The following EFEMP2 variants were observed in gnomAD, a reference collection of about 807,000 sequenced individuals.
EFEMP2 encodes EGF-containing fibulin-like extracellular matrix protein 2.
EFEMP2 carries 21 observed loss-of-function variants against 55.3 expected under a neutral mutation model. The observed-to-expected ratio is 0.38, with a 90% CI of 0.27 to 0.55. The LOEUF (loss-of-function observed/expected upper bound fraction) is 0.55. Ranked by LOEUF, EFEMP2 falls within the 20% of genes least tolerant of loss-of-function variation. The probability of loss-of-function intolerance (pLI) is 0.77; values close to 1 mark genes in which losing one functional copy is unlikely to be tolerated. For synonymous variants in EFEMP2, 275 were observed against 242.3 expected (o/e 1.14, Z -1.25); for missense variants, 513 against 615.1 (o/e 0.83, Z 1.76).
At position 65,870,615 on chromosome 11, in the gene EFEMP2, G is replaced by A; in HGVS notation, c.411C>T (p.Ser137=). 5.6e-6 allele frequency: 9 copies of A among 1,614,100 alleles called. No individual in the cohort carries two copies. Among genetic ancestry groups the A allele is most frequent in the Non-Finnish European group, 7.6e-6 (9 of 1,180,002 alleles). Residue 137 remains serine, a synonymous_variant, in exon 5 of 11, where the codon AGC becomes AGT. Coordinates refer to ENST00000307998, the MANE Select transcript of EFEMP2 (RefSeq NM_016938.5). Reference sequence around the variant, plus strand: ...AGCCAGGCAAGTTATGGCAGTCCTGGCTGGGGCGACAGTCGTGCAGGGCCT... The same window carrying A: ...AGCCAGGCAAGTTATGGCAGTCCTGACTGGGGCGACAGTCGTGCAGGGCCT... ...CAQALHDCRP[S]QDCHNLPGSY... is the part of the protein sequence containing the mutation.
intron 10 of EFEMP2, 156 bp downstream of exon 10, chr11:65,867,705 T>G: frequency 2.6e-6 from 2 of 773,430 alleles, no homozygotes; most frequent in Non-Finnish European, 4.4e-6. Context: ...TAGAATTGCA[T>G]TTAGAGTACC....
chr11:65,871,690 C>T (rs529987720), intron 3 of EFEMP2: 2 of 598,798 alleles, frequency 3.3e-6, no homozygotes, highest in Admixed American at 2.9e-5. Flanking sequence ...TGTGATGAGA[C>T]AAAGAGCTGG....
chr11:65,869,207 T>A (rs1351969893), intron 7 of EFEMP2: 2 of 195,594 alleles, frequency 1.0e-5, no homozygotes, highest in African/African-American at 4.7e-5. Flanking sequence ...ATCCTGGCTG[T>A]ATGAGCTTGG....
intron 7 of EFEMP2, chr11:65,869,106 G>A: frequency 3.7e-6 from 1 of 267,410 alleles, no homozygotes; most frequent in Non-Finnish European, 7.3e-6. Context: ...AGGTAGCAGT[G>A]AGGCCTCATC....
intron 9 of EFEMP2, 76 bp from the exon 10 acceptor site, chr11:65,868,132 G>A (rs1859894668): frequency 2.5e-6 from 4 of 1,572,940 alleles, no homozygotes; most frequent in Non-Finnish European, 3.5e-6. Flanking sequence ...ACAAAGGGAG[G>A]GAATCCCAAA....
intron 10 of EFEMP2, chr11:65,867,617 CTG>C (rs775827928): frequency 9.4e-6 from 5 of 532,764 alleles, no homozygotes; most frequent in African/African-American, 2.1e-5. Context: ...GGTGAAGAAA[CTG>C]AGATCAATAT....
Position 65,870,118 on chromosome 11 carries a change from C to T in EFEMP2, c.607+3G>A. On this transcript the variant is annotated splice_donor_region_variant and intron_variant, in intron 6 of 10. Coordinates refer to ENST00000307998, the MANE Select transcript of EFEMP2 (RefSeq NM_016938.5). ...CCAGGAGCCTGGCCCAGCCCAGCCT[C>T]ACCAACACAGGAGCGGTTGTTAGGC... The T allele has an allele frequency of 1.2e-6, 2 of 1,613,792 alleles. No homozygotes were observed. The highest frequency in any genetic ancestry group is 8.5e-7 in the Non-Finnish European group (1 of 1,179,996).
rs1859935992 is a variant in EFEMP2, at chr11:65,869,975, A to G, written c.609T>C (p.Asp203=). 1.9e-6 allele frequency: 3 copies of G among 1,613,828 alleles called. No homozygotes were observed. Among genetic ancestry groups the G allele is most frequent in the South Asian group, 2.2e-5 (2 of 91,084 alleles). ...QLGPNNRSCV[D]VNECDMGAPC... ...GGGCCCCCATGTCACACTCGTTCAC[A>G]TCTGGGGGTGCCAGGAAAAACAGGA... The change falls in exon 7 of 11, where the codon GAT becomes GAC. Residue 203 remains aspartate (D), a splice_region_variant and synonymous_variant. Coordinates refer to ENST00000307998, the MANE Select transcript of EFEMP2 (RefSeq NM_016938.5).
At position 65,871,293 on chromosome 11, in the gene EFEMP2, G is replaced by A. The variant is rs928050535; in HGVS notation, c.231C>T (p.Gly77=). The change falls in exon 4 of 11, where the codon GGC becomes GGT. Residue 77 remains glycine (G), a synonymous_variant. Coordinates refer to ENST00000307998, the MANE Select transcript of EFEMP2 (RefSeq NM_016938.5). ...CAGCGGAGCGGGGCAGGCACAAGTA[G>A]CCCCCGTAGTGGTTGATGCACTTCA... ...GEMKCINHYG[G]YLCLPRSAAV... The A allele has an allele frequency of 5.0e-6, 8 of 1,614,064 alleles. No individual in the cohort carries two copies. The East Asian group carries it at 6.7e-5, about 13-fold the overall frequency.
intron 3 of EFEMP2, chr11:65,871,578 G>C (rs1196738236): frequency 6.5e-6 from 4 of 613,668 alleles, no homozygotes; most frequent in African/African-American, 5.5e-5. Flanking sequence ...CCTCATTCTC[G>C]GCCTGCAAGT....
intron 6 of EFEMP2, 42 bp from the exon 7 acceptor site, chr11:65,870,018 G>A: frequency 6.2e-7 from 1 of 1,613,346 alleles, no homozygotes; most frequent in South Asian, 1.1e-5. Context: ...AAGCGGAGGA[G>A]GAGCCCAGAG....
At chr11:65,867,468 G>C (rs1429251213) in intron 10 of EFEMP2, 3 of 429,104 alleles carry the variant, frequency 7.0e-6, no homozygotes, top group Non-Finnish European at 1.3e-5. Flanking sequence ...CTCCTGCTGA[G>C]ACCCATGCAT....
chr11:65,868,605 C>T lies in EFEMP2; in HGVS notation c.752G>A (p.Ser251Asn). 3 of 1,613,922 alleles carry T rather than the reference C, an allele frequency of 1.9e-6. No individual in the cohort carries two copies. The South Asian group carries it at 3.3e-5, about 18-fold the overall frequency. The change falls in exon 8 of 11, where the codon AGC becomes AAC. Residue 251 changes from serine (S) to asparagine (N), a missense_variant. Physicochemically the swap from Ser to Asn is conservative, Grantham distance 46 (BLOSUM62 1). Coordinates refer to ENST00000307998, the MANE Select transcript of EFEMP2 (RefSeq NM_016938.5). The stretch of plus-strand genomic sequence containing the variant: ...GATGCAGCGGTACTGACAGAGGTAG[C>T]TGGAGTAGCTACACTCATCAATATC... ...CSDIDECSYS[S>N]YLCQYRCINE...
chr11:65,866,620 GGA>G lies in EFEMP2; in HGVS notation c.*296_*297del. The G allele has an allele frequency of 1.4e-6, 1 of 703,094 alleles. No individual in the cohort carries two copies. The highest frequency in any genetic ancestry group is 2.6e-6 in the Non-Finnish European group (1 of 385,140). 43.6% of individuals were successfully genotyped at this position (703,094 alleles called of 1,614,324 possible). ...AGTCCAAATCTCTGGGCCGGGGCCT[GGA>G]GTCCGCCCTCCTCGTTACCTCCTCT... On this transcript the variant is annotated 3_prime_UTR_variant, in exon 11 of 11. Coordinates refer to ENST00000307998, the MANE Select transcript of EFEMP2 (RefSeq NM_016938.5).
intron 9 of EFEMP2, 103 bp from the exon 10 acceptor site, chr11:65,868,159 T>A: frequency 6.4e-7 from 1 of 1,559,116 alleles, no homozygotes; most frequent in South Asian, 1.2e-5. Flanking sequence ...CTTCTACCCC[T>A]GTGACTGGTT....
chr11:65,867,480 C>T (rs975738231), intron 10 of EFEMP2: 2 of 426,796 alleles, frequency 4.7e-6, no homozygotes, highest in East Asian at 5.0e-5. Flanking sequence ...CCCATGCATG[C>T]GGCTGCCAGT....
intron 10 of EFEMP2, chr11:65,867,525 C>T (rs1859875379): frequency 2.2e-6 from 1 of 453,148 alleles, no homozygotes; most frequent in South Asian, 2.1e-5. Flanking sequence ...CGCCCCTGGC[C>T]CCCTCCCACC....
rs1859940021 is a variant in EFEMP2, at chr11:65,870,180, G to A, written c.548C>T (p.Ser183Phe). 2 of 1,613,838 alleles carry A rather than the reference G, an allele frequency of 1.2e-6. No homozygotes were observed. The highest frequency in any genetic ancestry group is 1.3e-5 in the African/African-American group (1 of 75,046). The change falls in exon 6 of 11, where the codon TCC becomes TTC. Residue 183 changes from serine to phenylalanine, a missense_variant. Transcript: ENST00000307998. ...GCCCGGCTCGCACTGGCAGCGGAAG[G>A]AGCCAGGCAGGTTCACGCAGCGGTG... is the stretch of plus-strand genomic sequence containing the variant. The part of the protein sequence containing the change: ...CQHRCVNLPG[S>F]FRCQCEPGFQ...
chr11:65,870,309 A>T, intron 5 of EFEMP2, 72 bp from the exon 6 acceptor site: 1 of 1,508,268 alleles, frequency 6.6e-7, no homozygotes, highest in Non-Finnish European at 9.2e-7. Flanking sequence ...GCCGGCTGGG[A>T]CTCAAGGCTT....
Sources: gnomAD v4.1 joint callset for allele counts on GRCh38, gnomAD v4.1.1 for gene constraint, MANE v1.5 for transcripts, NCBI Gene and HGNC (gene_info 2026-07-23, HGNC 2026-07-21) for gene names.